Variants in MGAM observed in about 807,000 individuals in gnomAD.
MGAM encodes maltase-glucoamylase.
A neutral mutation model predicts 358.8 loss-of-function variants in MGAM; 253 were observed. The ratio of observed to expected loss-of-function variants is 0.71; its 90% CI spans 0.64 to 0.78. The LOEUF (loss-of-function observed/expected upper bound fraction) is 0.78. Ranked by LOEUF, MGAM falls within the 30% of genes least tolerant of loss-of-function variation. MGAM has a pLI of 0.00. For missense variants in MGAM, 3,080 were observed against 3,432.6 expected (o/e 0.90, Z 2.57); for synonymous variants, 1,105 against 1,227.1 (o/e 0.90, Z 2.08).
In MGAM at chr7:142,061,297, T is replaced by A. The variant is rs111292577; in HGVS notation, c.4122+924T>A. On this transcript the variant is annotated intron_variant, in intron 34 of 70. Coordinates refer to ENST00000475668, the MANE Select transcript of MGAM (RefSeq NM_001365693.1). ...ATAATCTCTTTATTCTAATTCTCCA[T>A]CCCCCACCCATCCCGTCGTTTCTAA... Among the ~76,000 whole-genome samples, 1,372 of 152,146 alleles carry A rather than the reference T, an allele frequency of 9.0e-3. 19 individuals are homozygous for A. Among genetic ancestry groups the A allele is most frequent in the African/African-American group, 0.031 (1,298 of 41,484 alleles).
chr7:142,062,919 C>G (rs1271991485), intron 35 of MGAM, among the ~76,000 whole-genome samples: 1 of 152,164 alleles, frequency 6.6e-6, no homozygotes, highest in Non-Finnish European at 1.5e-5. Context: ...TGAGGCGGGA[C>G]CAGGCGTGGT....
intron 38 of MGAM, 44 bp downstream of exon 38, chr7:142,065,512 G>T (rs1285157519): frequency 1.2e-6 from 2 of 1,613,974 alleles, no homozygotes; most frequent in Non-Finnish European, 1.7e-6. Context: ...AGGGCAGGGA[G>T]TTGGGATCCT....
At position 142,070,103 on chromosome 7, in the gene MGAM, C is replaced by T. The variant is rs28674598; in HGVS notation, c.5062-891C>T. Among the ~76,000 whole-genome samples the T allele has an allele frequency of 5.0e-3, 714 of 142,838 alleles. 32 individuals are homozygous for T. The highest frequency in any genetic ancestry group is 0.016 in the African/African-American group (666 of 40,532). The allele number at this position is 142,838 out of a possible 152,430, so 93.7% of individuals were successfully genotyped here. On this transcript the variant is annotated intron_variant, in intron 43 of 70. Transcript: ENST00000475668. ...AGCTACTCGGGAGGCTGAGGCATGA[C>T]AATTGTTTGAACCTGGGAGGCGGAG...
chr7:141,997,009 A>G (rs1471517410), intron 1 of MGAM, among the ~76,000 whole-genome samples: 1 of 152,158 alleles, frequency 6.6e-6, no homozygotes, highest in Non-Finnish European at 1.5e-5. Flanking sequence ...TTAAAATAAA[A>G]CTTAAAATAA....
chr7:142,103,488 C>A, intron 70 of MGAM, 49 bp downstream of exon 70: 1 of 1,484,360 alleles, frequency 6.7e-7, no homozygotes, highest in Non-Finnish European at 9.0e-7. Context: ...CCTTAATATG[C>A]CTAGTGCAGT....
In MGAM at chr7:142,092,020, G is replaced by T. The variant is rs144998440; in HGVS notation, c.6918G>T (p.Arg2306Ser). The stretch of plus-strand genomic sequence containing the variant: ...ACAACAATCCACAGAATCCAGAGAG[G>T]AGCTTGAAGTTTGATGGCATGTGGA... ...ELYNNPQNPE[R>S]SLKFDGMWID... Residue 2306 changes from arginine to serine, a missense_variant, in exon 58 of 71, where the codon AGG becomes AGT. By Grantham distance (110) the Arg-to-Ser change is moderately radical. Transcript: ENST00000475668. The T allele has an allele frequency of 6.5e-7, 1 of 1,537,030 alleles. No individual in the cohort carries two copies. The highest frequency in any genetic ancestry group is 8.9e-7 in the Non-Finnish European group (1 of 1,122,884).
In MGAM at chr7:142,085,788, G is replaced by T. The variant is rs1437011656; in HGVS notation, c.6508-45G>T. 2.6e-6 allele frequency: 4 copies of T among 1,546,996 alleles called. 1 individual carries two copies. The highest frequency in any genetic ancestry group is 1.3e-5 in the African/African-American group (1 of 74,312). On this transcript the variant is annotated intron_variant, in intron 54 of 70. Transcript: ENST00000475668. ...GAGGCTTGTTCTCCTATAAAGCTTG[G>T]GCGTGTACAGCAGCAGCCTCTCAGC...
chr7:142,004,340 G>A (rs1015597282), intron 1 of MGAM: 2 of 151,990 alleles, frequency 1.3e-5, no homozygotes, highest in Non-Finnish European at 2.9e-5. Flanking sequence ...GTACCTATAT[G>A]CCATGGAATA....
intron 42 of MGAM, among the ~76,000 whole-genome samples, chr7:142,067,986 A>ATTTTTT (rs71913806): frequency 2.3e-4 from 2 of 8,694 alleles, no homozygotes; most frequent in African/African-American, 3.6e-4. Context: ...ATATATATAT[A>ATTTTTT]TTTTTTTTTT....
At chr7:142,063,902 A>G (rs1460654397) in intron 36 of MGAM, among the ~76,000 whole-genome samples, 1 of 152,142 alleles carries the variant, frequency 6.6e-6, no homozygotes, top group African/African-American at 2.4e-5. Context: ...TTGTGTCATC[A>G]GTGAGTGGAA....
rs1811497643 is a variant in MGAM at position 142,056,073 on chromosome 7, T to C, written c.3557T>C (p.Leu1186Pro). ...GAGGACGGCAGTGCCCATGGAGTGC[T>C]CCTGCTGAACAGCAATGCCATGGGT... is the stretch of plus-strand genomic sequence containing the variant. ...LEEDGSAHGVLLLNSNAMDVT... is the reference protein window; with the variant it reads ...LEEDGSAHGVPLLNSNAMDVT... Residue 1186 changes from leucine (L) to proline (P), a missense_variant, in exon 29 of 71, where the codon CTC becomes CCC. Physicochemically the swap from Leu to Pro is moderately conservative, Grantham distance 98 (BLOSUM62 -3). This residue lies in a region of MGAM where 1,816 missense variants were observed against 1,840.5 expected (regional missense o/e 0.99). Transcript: ENST00000475668. The C allele has an allele frequency of 6.2e-7, 1 of 1,609,334 alleles. No individual in the cohort carries two copies. The highest frequency in any genetic ancestry group is 8.5e-7 in the Non-Finnish European group (1 of 1,178,032).
At chr7:142,027,919 A>G (rs1465411133) in intron 10 of MGAM, among the ~76,000 whole-genome samples, 184 bp downstream of exon 10, 4 of 151,966 alleles carry the variant, frequency 2.6e-5, no homozygotes, top group East Asian at 1.9e-4. Flanking sequence ...TCAAGGAACC[A>G]TTGTTCTTTA....
chr7:142,047,887 C>T lies in MGAM; in HGVS notation c.2587+14C>T, dbSNP rs202128778. 45 of 1,577,710 alleles carry T rather than the reference C, an allele frequency of 2.9e-5. No homozygotes were observed. The highest frequency in any genetic ancestry group is 1.7e-4 in the Admixed American group (10 of 59,586). On this transcript the variant is annotated intron_variant, in intron 22 of 70. Coordinates refer to ENST00000475668, the MANE Select transcript of MGAM (RefSeq NM_001365693.1). ...GGGAAACGAAGGGTGAGCACTTATA[C>T]GATAATGTTGCTGTTTCCCAACCTG...
intron 21 of MGAM, among the ~76,000 whole-genome samples, chr7:142,042,983 A>G (rs1477984432): frequency 1.3e-5 from 1 of 77,988 alleles, no homozygotes; most frequent in Non-Finnish European, 2.1e-5. Flanking sequence ...TAATATATAT[A>G]TTATATATAC....
intron 32 of MGAM, 101 bp downstream of exon 32, chr7:142,059,701 G>T (rs527825440): frequency 6.3e-7 from 1 of 1,582,736 alleles, no homozygotes; most frequent in South Asian, 1.2e-5. Flanking sequence ...TAGATAAATT[G>T]AAGTGCAGTA....
At chr7:142,044,026 A>ATG in intron 21 of MGAM, among the ~76,000 whole-genome samples, 1 of 137,414 alleles carries the variant, frequency 7.3e-6, no homozygotes, top group East Asian at 2.1e-4. Context: ...TACATTATAT[A>ATG]CACATACGAC....
chr7:142,032,475 G>GT (rs1488735743), intron 13 of MGAM, among the ~76,000 whole-genome samples: 1 of 151,820 alleles, frequency 6.6e-6, no homozygotes, highest in Non-Finnish European at 1.5e-5. Flanking sequence ...CCACATATAT[G>GT]TTTATATGTA....
At position 142,102,711 on chromosome 7, in the gene MGAM, G is replaced by T. The variant is rs765676721; in HGVS notation, c.8013+32G>T. On this transcript the variant is annotated intron_variant, in intron 69 of 70. Transcript: ENST00000475668. ...GTGATTGATATGAAGTGAGAATAGG[G>T]TTCCACTGGCTTAGGAGGGTGCTGA... 4.4e-6 allele frequency: 7 copies of T among 1,602,122 alleles called. No individual in the cohort carries two copies. In the Admixed American group the frequency reaches 1.2e-4, roughly 27 times the overall value.
intron 69 of MGAM, 71 bp from the exon 70 acceptor site, chr7:142,103,198 G>T: frequency 1.6e-6 from 2 of 1,257,358 alleles, no homozygotes; most frequent in South Asian, 1.6e-5. Flanking sequence ...CTACATTTGT[G>T]CCTAAAAAGA....
Sources: allele counts gnomAD v4.1 joint callset (sites outside exome capture counted in the v4.1 genomes callset), GRCh38; gene constraint gnomAD v4.1.1; regional missense constraint gnomAD v4.1.1; transcripts MANE v1.5; gene names NCBI Gene and HGNC (gene_info 2026-07-23, HGNC 2026-07-21).